Variants in NBN observed in about 807,000 individuals in gnomAD.
NBN encodes the protein nibrin.
A neutral mutation model predicts 90.8 loss-of-function variants in NBN; 88 were observed. That is an observed-to-expected ratio of 0.97 (90% CI 0.82 to 1.16). The LOEUF (loss-of-function observed/expected upper bound fraction) is 1.16. Among genes scored for constraint, NBN ranks in the 50% most tolerant of loss-of-function variants. NBN has a pLI of 0.00. For missense variants in NBN, 894 were observed against 869.6 expected, an observed-to-expected ratio of 1.03 and a Z score of -0.35; for synonymous variants, 328 against 295.1, an observed-to-expected ratio of 1.11 and a Z score of -1.14.
chr8:89,946,393 G>A (rs1422527192), intron 12 of NBN, 98 bp from the exon 13 acceptor site: 1 of 1,013,960 alleles, frequency 9.9e-7, no homozygotes, highest in Non-Finnish European at 1.5e-6. Context: ...TCAAATACCT[G>A]AAAAAATAGT....
rs986145376 is a variant in NBN, at chr8:89,984,458, C to T, written c.37+67G>A. 67 of 1,471,000 alleles carry T rather than the reference C, an allele frequency of 4.6e-5. 2 individuals are homozygous for T. The South Asian group carries it at 7.2e-4, about 16-fold the overall frequency. 91.1% of individuals were successfully genotyped at this position (1,471,000 alleles called of 1,614,324 possible). ...GAACGGACGCGACGCAGGAATCACC[C>T]GCAGGCCCTCCCCCGAGGCAGTCGC... On this transcript the variant is annotated intron_variant, in intron 1 of 15. Coordinates refer to ENST00000265433, the MANE Select transcript of NBN (RefSeq NM_002485.5).
intron 5 of NBN, among the ~76,000 whole-genome samples, chr8:89,974,504 G>C (rs777816553): frequency 1.4e-4 from 22 of 152,082 alleles, no homozygotes; most frequent in Admixed American, 2.6e-4. Context: ...AAGTTAACCT[G>C]TTCCTGTTTC....
rs1181652752 is a variant in NBN at position 89,934,144 on chromosome 8, T to C, written c.*1438A>G. On this transcript the variant is annotated 3_prime_UTR_variant, in exon 16 of 16. Coordinates refer to ENST00000265433, the MANE Select transcript of NBN (RefSeq NM_002485.5). ...TTCCTTAACTGTAAAATGGAGACCATATGTTCCACCAGCTTCACTTGGTAA... is the reference window on the plus strand; with the variant it reads ...TTCCTTAACTGTAAAATGGAGACCACATGTTCCACCAGCTTCACTTGGTAA... 1 of 230,710 alleles carries C rather than the reference T, an allele frequency of 4.3e-6. No individual in the cohort carries two copies. 14.3% of individuals were successfully genotyped at this position (230,710 alleles called of 1,614,324 possible). A position where few individuals can be genotyped will look rare whatever the true frequency, so the allele number is the denominator to read the frequency against.
intron 7 of NBN, among the ~76,000 whole-genome samples, chr8:89,967,575 G>A (rs1563554300): frequency 6.6e-6 from 1 of 152,130 alleles, no homozygotes; most frequent in Non-Finnish European, 1.5e-5. Context: ...CAAGGCTGGG[G>A]AACAGGTCAG....
chr8:89,940,126 C>T (rs1010155732), intron 14 of NBN, among the ~76,000 whole-genome samples: 3 of 152,016 alleles, frequency 2.0e-5, no homozygotes, highest in African/African-American at 7.3e-5. Flanking sequence ...TGCTCTGTCA[C>T]CAAGGCTGAA....
intron 9 of NBN, among the ~76,000 whole-genome samples, chr8:89,957,970 T>G (rs1254712273): frequency 1.3e-5 from 2 of 152,194 alleles, no homozygotes; most frequent in African/African-American, 2.4e-5. Flanking sequence ...CTCACCATAA[T>G]GTAGAATCAG....
intron 12 of NBN, among the ~76,000 whole-genome samples, chr8:89,947,060 G>A (rs1810223531): frequency 6.6e-6 from 1 of 152,010 alleles, no homozygotes; most frequent in Non-Finnish European, 1.5e-5. Flanking sequence ...AAAAAAAAAG[G>A]GGAAAGTCAG....
At chr8:89,958,697 C>A (rs200719727) in intron 9 of NBN, 28 bp downstream of exon 9, 1 of 1,605,314 alleles carries the variant, frequency 6.2e-7, no homozygotes, top group African/African-American at 1.3e-5. Context: ...AGAATAATAA[C>A]AATAGTACGG....
rs1044622707 is a variant in NBN at position 89,978,468 on chromosome 8, C to G, written c.481-145G>C. On this transcript the variant is annotated intron_variant, in intron 4 of 15. Coordinates refer to ENST00000265433, the MANE Select transcript of NBN (RefSeq NM_002485.5). ...TCATCTCTCTAAATTTATAAAGAAGCCACAATCTATAAAATAGAAGTCGGT... is the reference window on the plus strand; with the variant it reads ...TCATCTCTCTAAATTTATAAAGAAGGCACAATCTATAAAATAGAAGTCGGT... 1.6e-5 allele frequency: 10 copies of G among 642,202 alleles called. No individual in the cohort carries two copies. The Middle Eastern group carries it at 1.7e-3, about 111-fold the overall frequency. 39.8% of individuals were successfully genotyped at this position (642,202 alleles called of 1,614,324 possible).
intron 7 of NBN, among the ~76,000 whole-genome samples, chr8:89,966,505 A>C (rs891916486): frequency 2.6e-5 from 4 of 152,214 alleles, no homozygotes; most frequent in African/African-American, 7.2e-5. Flanking sequence ...GATATTCAAG[A>C]TCTCTCTACA....
intron 5 of NBN, among the ~76,000 whole-genome samples, chr8:89,974,575 A>G (rs934281255): frequency 9.9e-5 from 15 of 152,164 alleles, no homozygotes; most frequent in African/African-American, 3.1e-4. Flanking sequence ...CATGAGCCCC[A>G]GTATGTTTGC....
chr8:89,967,866 T>C (rs1246213861), intron 7 of NBN, among the ~76,000 whole-genome samples: 1 of 152,246 alleles, frequency 6.6e-6, no homozygotes, highest in Non-Finnish European at 1.5e-5. Flanking sequence ...CTGGCCACTC[T>C]GCTTCATATA....
chr8:89,951,361 TAAAGA>T (rs1810442704), intron 11 of NBN, among the ~76,000 whole-genome samples: 1 of 133,420 alleles, frequency 7.5e-6, no homozygotes, highest in Non-Finnish European at 1.6e-5. Context: ...ACAAGAAGAC[TAAAGA>T]AAATAACATG....
At chr8:89,955,188 TAATC>T in intron 10 of NBN, 91 bp downstream of exon 10, 1 of 1,244,010 alleles carries the variant, frequency 8.0e-7, no homozygotes, top group South Asian at 1.3e-5. Flanking sequence ...GAAGCATACT[TAATC>T]AGAACAGACT....
Position 89,935,405 on chromosome 8 carries a change from AC to A in NBN, c.*176del, listed in dbSNP as rs1359778906. ...TGCAATGACAAAGCCTGAAAACAGA[AC>A]AAACAATTGTTACATACAAAAGAAT... On this transcript the variant is annotated 3_prime_UTR_variant, in exon 16 of 16. Transcript: ENST00000265433. 2 of 701,304 alleles carry A rather than the reference AC, an allele frequency of 2.9e-6. No individual in the cohort carries two copies. The highest frequency in any genetic ancestry group is 3.6e-5 in the African/African-American group (2 of 55,522). 43.4% of individuals were successfully genotyped at this position (701,304 alleles called of 1,614,324 possible).
chr8:89,982,414 G>A, intron 2 of NBN: 1 of 394,636 alleles, frequency 2.5e-6, no homozygotes, highest in South Asian at 2.5e-5. Flanking sequence ...AATTACTTTT[G>A]CACCAAACTA....
intron 7 of NBN, among the ~76,000 whole-genome samples, chr8:89,965,171 T>A (rs1811190290): frequency 6.6e-6 from 1 of 151,174 alleles, no homozygotes; most frequent in Non-Finnish European, 1.5e-5. Flanking sequence ...CTACGGATAC[T>A]ATGAGCCTAA....
chr8:89,949,226 G>C lies in NBN; in HGVS notation c.1846-1334C>G, dbSNP rs893539730. 2.0e-5 allele frequency among the ~76,000 whole-genome samples: 3 copies of C among 152,080 alleles called. No individual in the cohort carries two copies. The South Asian group carries it at 6.2e-4, about 32-fold the overall frequency. ...TTGTCAAACCTAGCTATGTGACCTT[G>C]GCAAGTTACTTAAAAACTCCCACTA... is the stretch of plus-strand genomic sequence containing the variant. On this transcript the variant is annotated intron_variant, in intron 11 of 15. Coordinates refer to ENST00000265433, the MANE Select transcript of NBN (RefSeq NM_002485.5).
At chr8:89,938,980 G>A (rs1809812849) in intron 14 of NBN, among the ~76,000 whole-genome samples, 1 of 152,314 alleles carries the variant, frequency 6.6e-6, no homozygotes, top group African/African-American at 2.4e-5. Flanking sequence ...ATATAAAATA[G>A]TATTAAGAAA....
Sources: allele counts gnomAD v4.1 joint callset (sites outside exome capture counted in the v4.1 genomes callset), GRCh38; gene constraint gnomAD v4.1.1; transcripts MANE v1.5; gene names NCBI Gene and HGNC (gene_info 2026-07-23, HGNC 2026-07-21).